SLC2A9: variants seen among roughly 807,000 people sequenced by gnomAD.
SLC2A9 encodes the protein solute carrier family 2, facilitated glucose transporter member 9.
SLC2A9 carries 39 observed loss-of-function variants against 50.6 expected under a neutral mutation model. The observed-to-expected ratio is 0.77, with a 90% CI of 0.60 to 1.01. The LOEUF (loss-of-function observed/expected upper bound fraction) is 1.01, where lower values mean the gene tolerates loss of function less well. Among genes scored for constraint, SLC2A9 ranks in the 50% least tolerant of loss-of-function variants. The pLI is 0.00. For missense variants in SLC2A9, 686 were observed against 677.6 expected (o/e 1.01, Z -0.14); for synonymous variants, 324 against 276.9 (o/e 1.17, Z -1.69).
At chr4:10,018,892 G>A in intron 2 of SLC2A9, 83 bp downstream of exon 2, 2 of 1,360,546 alleles carry the variant, frequency 1.5e-6, no homozygotes, top group Non-Finnish European at 2.0e-6. Flanking sequence ...AACAGGAGGG[G>A]GCGCTGGAGC....
chr4:10,026,333 A>G (rs958461640), upstream of SLC2A9, among the ~76,000 whole-genome samples: 1 of 152,118 alleles, frequency 6.6e-6, no homozygotes, highest in Non-Finnish European at 1.5e-5. Context: ...AGTGTCACCC[A>G]TATTTTTTTT....
intron 3 of SLC2A9, among the ~76,000 whole-genome samples, chr4:9,809,226 C>A (rs1033688338): frequency 3.3e-5 from 5 of 152,074 alleles, no homozygotes; most frequent in African/African-American, 9.7e-5. Context: ...ATAATCCCAG[C>A]CTGGAAGTTT....
chr4:9,809,878 G>A (rs1722651487), intron 3 of SLC2A9, among the ~76,000 whole-genome samples: 1 of 148,156 alleles, frequency 6.7e-6, no homozygotes, highest in South Asian at 2.1e-4. Flanking sequence ...AAATTCATGT[G>A]ATATATTAAG....
At chr4:9,847,485 C>A (rs1167356102) in intron 10 of SLC2A9, among the ~76,000 whole-genome samples, 1 of 152,200 alleles carries the variant, frequency 6.6e-6, no homozygotes, top group African/African-American at 2.4e-5. Context: ...GCACACAGAG[C>A]CAAACCATAT....
chr4:9,993,577 A>G (rs1306701432), intron 3 of SLC2A9, among the ~76,000 whole-genome samples: 3 of 152,164 alleles, frequency 2.0e-5, no homozygotes, highest in African/African-American at 2.4e-5. Context: ...TAAGAAACAC[A>G]TAGCTGTGTG....
At chr4:9,838,527 A>C (rs1371414465) in intron 10 of SLC2A9, among the ~76,000 whole-genome samples, 1 of 152,204 alleles carries the variant, frequency 6.6e-6, no homozygotes, top group African/African-American at 2.4e-5. Flanking sequence ...GTGGAACCAA[A>C]AAAGAGACTG....
intron 5 of SLC2A9, among the ~76,000 whole-genome samples, chr4:9,966,557 G>A (rs1464394735): frequency 6.6e-6 from 1 of 152,020 alleles, no homozygotes; most frequent in Admixed American, 6.6e-5. Flanking sequence ...TCGAGCGGCT[G>A]AGGCAGGAGA....
chr4:9,872,244 G>C (rs1478379899), intron 10 of SLC2A9, among the ~76,000 whole-genome samples: 1 of 152,152 alleles, frequency 6.6e-6, no homozygotes, highest in Non-Finnish European at 1.5e-5. Flanking sequence ...AATTCCAAGA[G>C]CATCCCAGAC....
At chr4:9,818,696 G>A (rs375700988) in intron 3 of SLC2A9, among the ~76,000 whole-genome samples, 1 of 152,252 alleles carries the variant, frequency 6.6e-6, no homozygotes. Flanking sequence ...GGTCAAGGAG[G>A]AAGTCCCTGT....
intron 10 of SLC2A9, chr4:9,879,867 G>T (rs1734916610): frequency 5.1e-6 from 5 of 985,280 alleles, no homozygotes; most frequent in Non-Finnish European, 6.0e-6. Context: ...CTGCCTTGGG[G>T]TTATGCACAC....
intron 8 of SLC2A9, among the ~76,000 whole-genome samples, chr4:9,907,609 A>T (rs1480846816): frequency 1.3e-5 from 2 of 152,230 alleles, no homozygotes; most frequent in East Asian, 3.8e-4. Flanking sequence ...GAAACATTTT[A>T]AATGTCATGG....
chr4:9,980,655 G>A lies in SLC2A9; in HGVS notation c.618C>T (p.Ala206=). ...EIRGSLGQVT[A]IFICIGVFTG... is the part of the protein sequence containing the mutation. ...TGAACACGCCAATGCAGATAAAGAT[G>A]GCAGTCACCTGCCCCAGAGAGCCAC... is the stretch of plus-strand genomic sequence containing the variant. Residue 206 remains alanine, a synonymous_variant, in exon 5 of 12, where the codon GCC becomes GCT. Coordinates refer to ENST00000264784, the MANE Select transcript of SLC2A9 (RefSeq NM_020041.3). 1 of 1,614,164 alleles carries A rather than the reference G, an allele frequency of 6.2e-7. No homozygotes were observed. Among genetic ancestry groups the A allele is most frequent in the Non-Finnish European group, 8.5e-7 (1 of 1,180,038 alleles).
intron 8 of SLC2A9, among the ~76,000 whole-genome samples, chr4:9,907,563 C>A (rs1740916028): frequency 6.6e-6 from 1 of 152,196 alleles, no homozygotes; most frequent in Admixed American, 6.5e-5. Context: ...CAAACTCCCA[C>A]ATGTCTGGGG....
At chr4:9,793,189 G>A (rs997176246) in intron 3 of SLC2A9, among the ~76,000 whole-genome samples, 1 of 152,174 alleles carries the variant, frequency 6.6e-6, no homozygotes. Context: ...TTTCTCTTTA[G>A]CAATTTTCTG....
chr4:9,922,355 T>G (rs111609167), intron 6 of SLC2A9, among the ~76,000 whole-genome samples: 1 of 151,702 alleles, frequency 6.6e-6, no homozygotes, highest in Non-Finnish European at 1.5e-5. Context: ...TTAGAAAAAA[T>G]AGCTAATGCA....
At chr4:9,868,909 C>G (rs560614768) in intron 10 of SLC2A9, among the ~76,000 whole-genome samples, 1 of 152,130 alleles carries the variant, frequency 6.6e-6, no homozygotes, top group Non-Finnish European at 1.5e-5. Context: ...AGGAACACCC[C>G]CCAAAGGCAT....
chr4:9,960,726 G>C (rs1224008015), intron 5 of SLC2A9, among the ~76,000 whole-genome samples: 2 of 152,200 alleles, frequency 1.3e-5, no homozygotes, highest in African/African-American at 4.8e-5. Context: ...AAGGCTGAGT[G>C]ACATGGATTG....
At chr4:9,998,940 G>A (rs888498269) in intron 2 of SLC2A9, among the ~76,000 whole-genome samples, 2 of 151,766 alleles carry the variant, frequency 1.3e-5, no homozygotes, top group African/African-American at 4.8e-5. Context: ...CCAAAAGTAT[G>A]CCAAATTAAA....
At chr4:9,853,175 CAAA>C (rs35342884) in intron 10 of SLC2A9, among the ~76,000 whole-genome samples, 6 of 79,446 alleles carry the variant, frequency 7.6e-5, no homozygotes, top group East Asian at 3.8e-4. Flanking sequence ...AACTCCCTCT[CAAA>C]AAAAAAAAAA....
Sources: gnomAD v4.1 joint callset for allele counts (sites outside exome capture counted in the v4.1 genomes callset) on GRCh38, gnomAD v4.1.1 for gene constraint, MANE v1.5 for transcripts, NCBI Gene and HGNC (gene_info 2026-07-23, HGNC 2026-07-21) for gene names.